HIVEP2: variants seen among roughly 807,000 people sequenced by gnomAD.
The protein encoded by HIVEP2 is transcription factor HIVEP2.
HIVEP2 carries 14 observed loss-of-function variants against 180.7 expected under a neutral mutation model. That is an observed-to-expected ratio of 0.08 (90% CI 0.05 to 0.12). HIVEP2 has a LOEUF of 0.12. Ranked by LOEUF, HIVEP2 falls within the 10% of genes least tolerant of loss-of-function variation. The pLI is 1.00. For missense variants in HIVEP2, 2,579 were observed against 3,008.5 expected (o/e 0.86, Z 3.34); for synonymous variants, 1,184 against 1,136.4 (o/e 1.04, Z -0.84).
chr6:142,872,951 T>C (rs79032349), intron 1 of HIVEP2, among the ~76,000 whole-genome samples: 3,633 of 152,282 alleles, frequency 0.024, 73 homozygotes, highest in Admixed American at 0.03. Context: ...TCCCAACTTC[T>C]GGAAGTTTTA....
intron 2 of HIVEP2, among the ~76,000 whole-genome samples, chr6:142,805,750 A>G (rs1264341901): frequency 6.6e-6 from 1 of 152,148 alleles, no homozygotes; most frequent in Non-Finnish European, 1.5e-5. Context: ...CATAGATTTT[A>G]TAATGCCACC....
intron 1 of HIVEP2, among the ~76,000 whole-genome samples, chr6:142,900,359 A>C (rs554121291): frequency 2.6e-5 from 4 of 152,186 alleles, no homozygotes; most frequent in Non-Finnish European, 5.9e-5. Context: ...GAGAAACTGT[A>C]GGCAGGAATA....
chr6:142,843,364 A>G (rs1477950501), intron 1 of HIVEP2, among the ~76,000 whole-genome samples: 2 of 152,346 alleles, frequency 1.3e-5, no homozygotes, highest in African/African-American at 4.8e-5. Context: ...ACAGAAAAAA[A>G]GTATGTTTTA....
At chr6:142,775,220 A>C in intron 4 of HIVEP2, 95 bp from the exon 5 acceptor site, 1 of 245,188 alleles carries the variant, frequency 4.1e-6, no homozygotes, top group Non-Finnish European at 6.5e-6. Flanking sequence ...GAAATTAGAT[A>C]AATTTGAAAT....
chr6:142,837,497 G>C (rs905073198), intron 1 of HIVEP2, among the ~76,000 whole-genome samples: 2 of 152,060 alleles, frequency 1.3e-5, no homozygotes, highest in African/African-American at 4.8e-5. Flanking sequence ...TTGAGAAATA[G>C]AAACTAATAT....
chr6:142,897,090 C>T (rs1777017717), intron 1 of HIVEP2, among the ~76,000 whole-genome samples: 1 of 151,976 alleles, frequency 6.6e-6, no homozygotes, highest in South Asian at 2.1e-4. Context: ...AAACATAGTT[C>T]AGCAGCCACT....
intron 2 of HIVEP2, among the ~76,000 whole-genome samples, chr6:142,817,557 T>A (rs1049284998): frequency 2.6e-5 from 4 of 152,162 alleles, no homozygotes; most frequent in African/African-American, 9.7e-5. Flanking sequence ...ACATTACTAA[T>A]AAGTACAAGA....
At chr6:142,781,940 G>C (rs2114689814) in intron 3 of HIVEP2, among the ~76,000 whole-genome samples, 1 of 152,214 alleles carries the variant, frequency 6.6e-6, no homozygotes, top group South Asian at 2.1e-4. Flanking sequence ...TTTTGCTTAG[G>C]AAAACATTAT....
chr6:142,880,839 C>T (rs114644698), intron 1 of HIVEP2, among the ~76,000 whole-genome samples: 209 of 152,230 alleles, frequency 1.4e-3, no homozygotes, highest in African/African-American at 4.6e-3. Flanking sequence ...ACCCTCATCT[C>T]GACAGAACAG....
At chr6:142,781,896 G>T (rs1775870603) in intron 3 of HIVEP2, among the ~76,000 whole-genome samples, 1 of 152,132 alleles carries the variant, frequency 6.6e-6, no homozygotes, top group Non-Finnish European at 1.5e-5. Flanking sequence ...GAGGAATAAA[G>T]ACCTACAGTA....
chr6:142,881,667 C>G (rs1300970396), intron 1 of HIVEP2, among the ~76,000 whole-genome samples: 1 of 152,162 alleles, frequency 6.6e-6, no homozygotes, highest in Non-Finnish European at 1.5e-5. Flanking sequence ...ATCTCCTTCT[C>G]TCTTAGAAAA....
intron 1 of HIVEP2, among the ~76,000 whole-genome samples, chr6:142,850,377 G>T (rs982442731): frequency 6.6e-6 from 1 of 152,110 alleles, no homozygotes; most frequent in African/African-American, 2.4e-5. Flanking sequence ...TAATGATTTG[G>T]GGAGTCTTTA....
chr6:142,904,205 T>C (rs1022295137), intron 1 of HIVEP2, among the ~76,000 whole-genome samples: 5 of 152,196 alleles, frequency 3.3e-5, no homozygotes, highest in Admixed American at 3.3e-4. Flanking sequence ...ATTACAAAGA[T>C]GAATTTGAGG....
Position 142,764,944 on chromosome 6 carries a change from G to A in HIVEP2, c.5373C>T (p.Val1791=). Residue 1791 remains valine, a synonymous_variant, in exon 7 of 10, where the codon GTC becomes GTT. Coordinates refer to ENST00000367603, the MANE Select transcript of HIVEP2 (RefSeq NM_006734.4). ...GYKSNEDYVY[V]RGRGRGKYIC... is the part of the protein sequence containing the mutation. ...TGTACTTTCCCCGGCCACGTCCTCT[G>A]ACATATACATAATCTTCATTCGATT... 2 of 1,612,998 alleles carry A rather than the reference G, an allele frequency of 1.2e-6. No homozygotes were observed. The highest frequency in any genetic ancestry group is 1.6e-4 in the Middle Eastern group (1 of 6,062).
At chr6:142,797,298 C>A (rs762491919) in intron 2 of HIVEP2, among the ~76,000 whole-genome samples, 15 of 152,092 alleles carry the variant, frequency 9.9e-5, no homozygotes, top group South Asian at 4.1e-4. Flanking sequence ...CTATCCAAGT[C>A]ACTCCAAATT....
chr6:142,857,807 G>A (rs572213576), intron 1 of HIVEP2, among the ~76,000 whole-genome samples: 4 of 152,272 alleles, frequency 2.6e-5, no homozygotes, highest in South Asian at 4.1e-4. Context: ...CTTTCCACAC[G>A]GGGACTCCCC....
rs898405691 is a variant in HIVEP2, at chr6:142,808,369, G to A, written c.-527-24754C>T. Among the ~76,000 whole-genome samples, 3 of 150,846 alleles carry A rather than the reference G, an allele frequency of 2.0e-5. No homozygotes were observed. The East Asian group carries it at 6.0e-4, about 30-fold the overall frequency. ...GATGAAGGAAGGGACGGATGGAAGA[G>A]ATAGAGGCAGGGATGGATGGAAGGA... On this transcript the variant is annotated intron_variant, in intron 2 of 9. Transcript: ENST00000367603.
chr6:142,862,824 A>G (rs1256754963), intron 1 of HIVEP2, among the ~76,000 whole-genome samples: 3 of 133,884 alleles, frequency 2.2e-5, no homozygotes, highest in African/African-American at 8.3e-5. Context: ...ATATTTTTAT[A>G]TAATATATAA....
chr6:142,798,289 G>T (rs535422230), intron 2 of HIVEP2, among the ~76,000 whole-genome samples: 1 of 151,872 alleles, frequency 6.6e-6, no homozygotes, highest in Non-Finnish European at 1.5e-5. Flanking sequence ...GAAAAGAAAA[G>T]AAAAGAAAAG....
Sources: gnomAD v4.1 joint callset for allele counts (sites outside exome capture counted in the v4.1 genomes callset) on GRCh38, gnomAD v4.1.1 for gene constraint, MANE v1.5 for transcripts, NCBI Gene and HGNC (gene_info 2026-07-23, HGNC 2026-07-21) for gene names.